SPAG16: variants seen among roughly 807,000 people sequenced by gnomAD.
SPAG16 encodes sperm-associated antigen 16 protein.
In SPAG16, 86 loss-of-function variants were observed where a neutral mutation model predicts 80.4. That is an observed-to-expected ratio of 1.07 (90% CI 0.90 to 1.28). The LOEUF is 1.28. Among genes scored for constraint, SPAG16 ranks in the 50% most tolerant of loss-of-function variants. The probability of loss-of-function intolerance (pLI) is 0.00; values close to 1 mark genes in which losing one functional copy is unlikely to be tolerated. For synonymous variants in SPAG16, 294 were observed against 265.9 expected, an observed-to-expected ratio of 1.11 and a Z score of -1.03; for missense variants, 870 against 765.3, an observed-to-expected ratio of 1.14 and a Z score of -1.61.
intron 10 of SPAG16, among the ~76,000 whole-genome samples, chr2:213,621,978 T>C (rs1047715432): frequency 1.3e-5 from 2 of 152,206 alleles, no homozygotes; most frequent in African/African-American, 2.4e-5. Context: ...GAGGAGGAAC[T>C]ATAGCCTGTG....
chr2:214,389,122 T>C (rs1700922341), intron 15 of SPAG16, among the ~76,000 whole-genome samples: 1 of 152,172 alleles, frequency 6.6e-6, no homozygotes, highest in South Asian at 2.1e-4. Flanking sequence ...AAGGCATATG[T>C]AACCCACAAG....
chr2:213,705,786 TTTGTTG>T (rs10525863), intron 10 of SPAG16, among the ~76,000 whole-genome samples: 3,769 of 127,752 alleles, frequency 0.03, 155 homozygotes, highest in African/African-American at 0.11. Context: ...TGGTGGAGGG[TTTGTTG>T]TTGTTGTTGT....
intron 15 of SPAG16, among the ~76,000 whole-genome samples, chr2:214,248,243 A>G (rs1689990628): frequency 6.6e-6 from 1 of 150,874 alleles, no homozygotes; most frequent in Non-Finnish European, 1.5e-5. Flanking sequence ...TATTCACTCC[A>G]GAAATATTTA....
intron 4 of SPAG16, among the ~76,000 whole-genome samples, chr2:213,313,123 A>T (rs1346293715): frequency 1.3e-5 from 2 of 151,868 alleles, no homozygotes; most frequent in Non-Finnish European, 2.9e-5. Context: ...TAACACAGGA[A>T]TGTAGTGACT....
intron 11 of SPAG16, among the ~76,000 whole-genome samples, chr2:213,885,322 G>T (rs553823719): frequency 8.5e-5 from 13 of 152,220 alleles, no homozygotes; most frequent in African/African-American, 2.9e-4. Flanking sequence ...CAACTGCATG[G>T]CTCCTTTATA....
intron 11 of SPAG16, among the ~76,000 whole-genome samples, chr2:213,863,029 C>T (rs550514051): frequency 1.1e-4 from 16 of 152,206 alleles, no homozygotes; most frequent in Admixed American, 7.2e-4. Context: ...CAGATAGCTG[C>T]GATCAATTTC....
At chr2:214,138,735 C>T (rs1339468364) in intron 14 of SPAG16, among the ~76,000 whole-genome samples, 1 of 152,168 alleles carries the variant, frequency 6.6e-6, no homozygotes, top group African/African-American at 2.4e-5. Flanking sequence ...GCATATTACA[C>T]ATTTTCTGAA....
intron 9 of SPAG16, among the ~76,000 whole-genome samples, chr2:213,460,722 T>C (rs1273886635): frequency 1.3e-5 from 2 of 152,182 alleles, no homozygotes; most frequent in East Asian, 1.9e-4. Context: ...TACTAAAATA[T>C]AAATGTGTTA....
At chr2:214,193,954 C>G (rs1397818559) in intron 15 of SPAG16, among the ~76,000 whole-genome samples, 1 of 151,994 alleles carries the variant, frequency 6.6e-6, no homozygotes, top group Non-Finnish European at 1.5e-5. Context: ...AAGCAATGCA[C>G]CATTCAGATG....
intron 10 of SPAG16, among the ~76,000 whole-genome samples, chr2:213,755,155 G>A (rs1303539279): frequency 1.3e-5 from 2 of 152,106 alleles, no homozygotes; most frequent in Admixed American, 6.5e-5. Flanking sequence ...CATTTTGCAG[G>A]TTCAGTGTAT....
At chr2:213,597,377 C>T (rs949979831) in intron 10 of SPAG16, among the ~76,000 whole-genome samples, 3 of 152,112 alleles carry the variant, frequency 2.0e-5, no homozygotes, top group African/African-American at 7.2e-5. Context: ...TTTATGACTT[C>T]TTTCCATCCT....
chr2:213,574,534 C>T (rs779048451), intron 10 of SPAG16, among the ~76,000 whole-genome samples: 6 of 151,844 alleles, frequency 4.0e-5, no homozygotes, highest in Non-Finnish European at 7.4e-5. Context: ...CCTTCTGTTA[C>T]ACATGAACAT....
chr2:214,059,222 G>GTATATATATA (rs34244219), intron 13 of SPAG16, among the ~76,000 whole-genome samples: 4,067 of 120,900 alleles, frequency 0.034, 138 homozygotes, highest in East Asian at 0.13. Context: ...ATATGTATGT[G>GTATATATATA]TATATATATA....
intron 15 of SPAG16, among the ~76,000 whole-genome samples, chr2:214,363,182 T>G (rs1335455441): frequency 6.6e-6 from 1 of 151,952 alleles, no homozygotes; most frequent in African/African-American, 2.4e-5. Context: ...ACTTTCCTTA[T>G]AGTTCTAAAG....
intron 12 of SPAG16, among the ~76,000 whole-genome samples, chr2:213,994,033 G>A (rs938760834): frequency 2.6e-5 from 4 of 152,264 alleles, no homozygotes; most frequent in Middle Eastern, 3.4e-3. Flanking sequence ...CTAACAGATC[G>A]ATTTGTGATA....
At chr2:213,682,154 A>G (rs1234695473) in intron 10 of SPAG16, among the ~76,000 whole-genome samples, 1 of 152,276 alleles carries the variant, frequency 6.6e-6, no homozygotes, top group Admixed American at 6.5e-5. Flanking sequence ...ATTGACTCCT[A>G]TCTTTCTATG....
intron 9 of SPAG16, among the ~76,000 whole-genome samples, chr2:213,401,047 G>A (rs1194239012): frequency 5.3e-5 from 8 of 152,298 alleles, no homozygotes; most frequent in Middle Eastern, 3.4e-3. Flanking sequence ...GGACTCAAGA[G>A]ATCTGTCTGT....
chr2:214,201,529 A>G (rs377253975), intron 15 of SPAG16, among the ~76,000 whole-genome samples: 127 of 152,302 alleles, frequency 8.3e-4, no homozygotes, highest in African/African-American at 3.0e-3. Context: ...GTAGCCATAT[A>G]AGGAGGATGT....
At chr2:214,065,853 A>T (rs2050504905) in intron 13 of SPAG16, among the ~76,000 whole-genome samples, 2 of 151,800 alleles carry the variant, frequency 1.3e-5, no homozygotes, top group Admixed American at 6.6e-5. Flanking sequence ...CTAGTTAAGC[A>T]AACTCATAAT....
Sources: allele counts gnomAD v4.1 joint callset (sites outside exome capture counted in the v4.1 genomes callset), GRCh38; gene constraint gnomAD v4.1.1; transcripts MANE v1.5; gene names NCBI Gene and HGNC (gene_info 2026-07-23, HGNC 2026-07-21).